Variants in ABCA6 observed in about 807,000 individuals in gnomAD.
ABCA6 encodes the protein ATP binding cassette subfamily A member 6.
In ABCA6, 164 loss-of-function variants were observed where a neutral mutation model predicts 191.2. That is an observed-to-expected ratio of 0.86 (90% CI 0.76 to 0.98). ABCA6 has a LOEUF of 0.98. ABCA6 is among the 50% of genes least tolerant of loss of function. ABCA6 has a pLI of 0.00. For synonymous variants in ABCA6, 636 were observed against 647.7 expected (o/e 0.98, Z 0.27); for missense variants, 1,958 against 1,894.1 (o/e 1.03, Z -0.63).
intron 10 of ABCA6, among the ~76,000 whole-genome samples, chr17:69,122,492 A>G (rs1321467354): frequency 6.6e-6 from 1 of 152,060 alleles, no homozygotes; most frequent in African/African-American, 2.4e-5. Context: ...TAACAACCCT[A>G]CAAAGTCAAT....
Position 69,096,808 on chromosome 17 carries a change from A to C in ABCA6, c.3121-7T>G. 1 of 894,030 alleles carries C rather than the reference A, an allele frequency of 1.1e-6. No homozygotes were observed. Among genetic ancestry groups the C allele is most frequent in the Non-Finnish European group, 1.5e-6 (1 of 659,486 alleles). 55.4% of individuals were successfully genotyped at this position (894,030 alleles called of 1,614,324 possible). On this transcript the variant is annotated splice_polypyrimidine_tract_variant and splice_region_variant and intron_variant, in intron 23 of 38. Transcript: ENST00000284425. ...GCTGGGACTTAGCATTTTTCTGATT[A>C]AAAAAAAAAAGAAAGAAAGAAATGT...
intron 21 of ABCA6, among the ~76,000 whole-genome samples, chr17:69,102,608 C>T (rs538265893): frequency 4.2e-4 from 64 of 152,100 alleles, no homozygotes; most frequent in Middle Eastern, 3.4e-3. Flanking sequence ...TTAAACAGTA[C>T]AATTAAATTT....
chr17:69,079,312 A>G (rs1326512688), intron 37 of ABCA6, 47 bp from the exon 38 acceptor site: 1 of 1,451,968 alleles, frequency 6.9e-7, no homozygotes, highest in African/African-American at 1.4e-5. Context: ...CTTACAATTT[A>G]TTACCAAGAA....
At chr17:69,128,251 T>C (rs1467582477) in intron 8 of ABCA6, among the ~76,000 whole-genome samples, 1 of 152,114 alleles carries the variant, frequency 6.6e-6, no homozygotes, top group Non-Finnish European at 1.5e-5. Flanking sequence ...TGGAAAGTTT[T>C]TCATATTCAT....
intron 10 of ABCA6, among the ~76,000 whole-genome samples, chr17:69,120,675 T>C (rs2073623647): frequency 6.6e-6 from 1 of 152,108 alleles, no homozygotes. Flanking sequence ...GAAACTTTAA[T>C]GTTTTGTTTT....
Position 69,079,001 on chromosome 17 carries a change from T to C in ABCA6, c.4826A>G (p.Lys1609Arg), listed in dbSNP as rs148870578. ...DEEIDTTMRW[K>R]LLPHSDEP is the part of the protein sequence containing the mutation. Reference sequence around the variant, plus strand: ...AGGTTCATCTGAATGAGGGAGGAGTTTCCATCTCATTGTTGTATCAATTTC... The same window carrying C: ...AGGTTCATCTGAATGAGGGAGGAGTCTCCATCTCATTGTTGTATCAATTTC... Residue 1609 changes from lysine (K) to arginine (R), a missense_variant, in exon 39 of 39, where the codon AAA (lysine) becomes AGA (arginine). Physicochemically the swap from Lys to Arg is conservative, Grantham distance 26. Transcript: ENST00000284425. 6.2e-7 allele frequency: 1 copy of C among 1,611,968 alleles called. No individual in the cohort carries two copies. Among genetic ancestry groups the C allele is most frequent in the Non-Finnish European group, 8.5e-7 (1 of 1,179,306 alleles).
chr17:69,117,363 C>T (rs1368344974), intron 11 of ABCA6, among the ~76,000 whole-genome samples: 1 of 151,998 alleles, frequency 6.6e-6, no homozygotes, highest in African/African-American at 2.4e-5. Flanking sequence ...TAGCTACTCA[C>T]TTTGATGTTT....
chr17:69,100,838 G>C lies in ABCA6; in HGVS notation c.2971C>G (p.His991Asp). The change falls in exon 22 of 39, where the codon CAC (histidine) becomes GAC (aspartate). Residue 991 changes from histidine (H) to aspartate (D), a missense_variant. His to Asp is a moderately conservative substitution (Grantham distance 81). Coordinates refer to ENST00000284425, the MANE Select transcript of ABCA6 (RefSeq NM_080284.3). Reference protein sequence around the residue: ...ISNGLLQMFNHTQHIRIESSP... With the variant: ...ISNGLLQMFNDTQHIRIESSP... ...GACTCAATTCGAATATGTTGTGTGT[G>C]ATTAAACATTTGAAGTAGCCCATTG... 1 of 1,612,698 alleles carries C rather than the reference G, an allele frequency of 6.2e-7. No homozygotes were observed. The highest frequency in any genetic ancestry group is 8.5e-7 in the Non-Finnish European group (1 of 1,179,398).
intron 34 of ABCA6, 59 bp downstream of exon 34, chr17:69,084,201 TA>T: frequency 6.5e-7 from 1 of 1,527,912 alleles, no homozygotes; most frequent in Non-Finnish European, 9.0e-7. Flanking sequence ...CAAGACCAGT[TA>T]AAATATGCAA....
rs1377923550 is a variant in ABCA6 at position 69,129,590 on chromosome 17, TAATA to T, written c.933+16_933+19del. 1 of 1,563,742 alleles carries T rather than the reference TAATA, an allele frequency of 6.4e-7. No individual in the cohort carries two copies. Among genetic ancestry groups the T allele is most frequent in the Middle Eastern group, 1.7e-4 (1 of 5,850 alleles). ...CTAAGATCTAAAGCAGAGAAAGTGGTAATAAATGTATCAACTTACCAAAGATAAG... is the reference window on the plus strand; with the variant it reads ...CTAAGATCTAAAGCAGAGAAAGTGGTAATGTATCAACTTACCAAAGATAAG... On this transcript the variant is annotated intron_variant, in intron 7 of 38. Coordinates refer to ENST00000284425, the MANE Select transcript of ABCA6 (RefSeq NM_080284.3).
chr17:69,102,645 T>C (rs1017152200), intron 21 of ABCA6, among the ~76,000 whole-genome samples, 190 bp downstream of exon 21: 1 of 152,190 alleles, frequency 6.6e-6, no homozygotes, highest in African/African-American at 2.4e-5. Context: ...AAAAGTTATC[T>C]AATTCAAAAC....
Position 69,086,714 on chromosome 17 carries a change from A to G in ABCA6, c.3841T>C (p.Cys1281Arg), listed in dbSNP as rs770972944. 11 of 1,611,962 alleles carry G rather than the reference A, an allele frequency of 6.8e-6. 1 individual carries two copies. In the South Asian group the frequency reaches 1.2e-4, roughly 18 times the overall value. ...LDEKPVIIASCLHKEYAGQKK... is the reference protein window; with the variant it reads ...LDEKPVIIASRLHKEYAGQKK... ...TGGCCTGCATATTCTTTGTGTAGAC[A>G]GCTGGCAATTATAACAGGTTTCTAG... Residue 1281 changes from cysteine to arginine, a missense_variant, in exon 30 of 39, where the codon TGT becomes CGT. Transcript: ENST00000284425.
chr17:69,107,760 G>T lies in ABCA6; in HGVS notation c.2325C>A (p.Asp775Glu). 6.2e-7 allele frequency: 1 copy of T among 1,612,984 alleles called. No individual in the cohort carries two copies. Among genetic ancestry groups the T allele is most frequent in the Non-Finnish European group, 8.5e-7 (1 of 1,179,458 alleles). The change falls in exon 18 of 39, where the codon GAC becomes GAA. Residue 775 changes from aspartate (D) to glutamate (E), a missense_variant. Physicochemically the swap from Asp to Glu is conservative, Grantham distance 45. Coordinates refer to ENST00000284425, the MANE Select transcript of ABCA6 (RefSeq NM_080284.3). ...KCSDQGVTGY[D>E]ISMSTLNEVF... The stretch of plus-strand genomic sequence containing the variant: ...CTTCATTTAGAGTTGACATGGAAAT[G>T]TCATAACCTGTCACTCCCTGGTCAG...
At chr17:69,118,297 G>C (rs1468592910) in intron 10 of ABCA6, among the ~76,000 whole-genome samples, 1 of 151,614 alleles carries the variant, frequency 6.6e-6, no homozygotes, top group Non-Finnish European at 1.5e-5. Context: ...TCTTGAACTG[G>C]CATCCTGCAT....
intron 16 of ABCA6, chr17:69,111,560 G>T (rs2073422375): frequency 6.6e-6 from 1 of 152,380 alleles, no homozygotes; most frequent in Non-Finnish European, 1.5e-5. Flanking sequence ...CCTGCCTTCA[G>T]TCTGCATCTG....
At chr17:69,114,719 G>A (rs531549248) in intron 13 of ABCA6, 43 bp downstream of exon 13, 1 of 1,527,026 alleles carries the variant, frequency 6.5e-7, no homozygotes, top group African/African-American at 1.4e-5. Flanking sequence ...ATTTAATTTG[G>A]TAAGTGGTTG....
At chr17:69,117,788 T>G in intron 11 of ABCA6, 110 bp downstream of exon 11, 1 of 738,440 alleles carries the variant, frequency 1.4e-6, no homozygotes, top group Non-Finnish European at 2.2e-6. Context: ...ATTTATATTC[T>G]TTTTTCTTTT....
chr17:69,124,114 T>A (rs1460461787), intron 9 of ABCA6, among the ~76,000 whole-genome samples: 1 of 151,934 alleles, frequency 6.6e-6, no homozygotes, highest in Non-Finnish European at 1.5e-5. Flanking sequence ...ATGGAGAAAC[T>A]GTATTTGTTT....
intron 10 of ABCA6, among the ~76,000 whole-genome samples, chr17:69,122,883 T>C (rs912963570): frequency 6.6e-6 from 1 of 151,808 alleles, no homozygotes; most frequent in Non-Finnish European, 1.5e-5. Context: ...CCTTCAATAT[T>C]TTGCCTCAAG....
Sources: allele counts gnomAD v4.1 joint callset (sites outside exome capture counted in the v4.1 genomes callset), GRCh38; gene constraint gnomAD v4.1.1; transcripts MANE v1.5; gene names NCBI Gene and HGNC (gene_info 2026-07-23, HGNC 2026-07-21).